Variants in ADAMTSL1 observed in about 807,000 individuals in gnomAD.
ADAMTSL1 encodes the protein ADAMTS-like protein 1.
In ADAMTSL1, 126 loss-of-function variants were observed where a neutral mutation model predicts 201.8. The ratio of observed to expected loss-of-function variants is 0.62; its 90% CI spans 0.54 to 0.72. The LOEUF is 0.72. ADAMTSL1 is among the 30% of genes least tolerant of loss of function. ADAMTSL1 has a pLI of 0.00. For missense variants in ADAMTSL1, 2,679 were observed against 2,277.8 expected, an observed-to-expected ratio of 1.18 and a Z score of -3.59; for synonymous variants, 1,121 against 903.4, an observed-to-expected ratio of 1.24 and a Z score of -4.32.
chr9:18,275,462 C>A (rs1587448172), intron 2 of ADAMTSL1, among the ~76,000 whole-genome samples: 2 of 152,200 alleles, frequency 1.3e-5, no homozygotes, highest in East Asian at 1.9e-4. Flanking sequence ...AGTTTCAGAA[C>A]AATTTCATCA....
intron 1 of ADAMTSL1, among the ~76,000 whole-genome samples, chr9:18,145,630 G>A (rs1281149252): frequency 2.0e-5 from 3 of 152,248 alleles, no homozygotes; most frequent in African/African-American, 7.2e-5. Context: ...AGACCTAAGT[G>A]TAAAATGCAA....
At chr9:18,734,068 G>C (rs1181813354) in intron 15 of ADAMTSL1, among the ~76,000 whole-genome samples, 1 of 152,164 alleles carries the variant, frequency 6.6e-6, no homozygotes, top group Non-Finnish European at 1.5e-5. Flanking sequence ...AATTCATATA[G>C]TATGCTGCCT....
At chr9:18,227,231 C>T (rs550348532) in intron 2 of ADAMTSL1, among the ~76,000 whole-genome samples, 13 of 152,016 alleles carry the variant, frequency 8.6e-5, no homozygotes, top group South Asian at 2.1e-4. Context: ...TCTGCATTGT[C>T]GTATATTTTT....
chr9:18,085,876 T>C (rs911175869), intron 1 of ADAMTSL1, among the ~76,000 whole-genome samples: 1 of 151,752 alleles, frequency 6.6e-6, no homozygotes, highest in Non-Finnish European at 1.5e-5. Context: ...GGAACAAGGA[T>C]AGGAACTATT....
intron 2 of ADAMTSL1, among the ~76,000 whole-genome samples, chr9:18,300,952 T>C (rs971605029): frequency 1.2e-4 from 19 of 152,272 alleles, no homozygotes; most frequent in African/African-American, 4.1e-4. Context: ...AAATTGCCTA[T>C]AGGTTCAAAA....
intron 2 of ADAMTSL1, among the ~76,000 whole-genome samples, chr9:18,255,418 G>T (rs763426976): frequency 2.0e-5 from 3 of 152,060 alleles, no homozygotes; most frequent in Non-Finnish European, 4.4e-5. Context: ...GGTTTCACAT[G>T]TCAGTACTTA....
chr9:18,229,217 T>G lies in ADAMTSL1; in HGVS notation c.207+65236T>G, dbSNP rs1830550412. Among the ~76,000 whole-genome samples, 3 of 152,106 alleles carry G rather than the reference T, an allele frequency of 2.0e-5. No homozygotes were observed. In the South Asian group the frequency reaches 6.2e-4, roughly 32 times the overall value. ...TGCACACCATCTGGATGCAGCAGTT[T>G]AAGAGGAACATAGTCAACTGGTCAC... On this transcript the variant is annotated intron_variant, in intron 2 of 29. Coordinates refer to the ADAMTSL1 transcript ENST00000680146.
At chr9:18,575,717 T>C (rs1039616702) in intron 4 of ADAMTSL1, among the ~76,000 whole-genome samples, 3 of 152,304 alleles carry the variant, frequency 2.0e-5, no homozygotes, top group Middle Eastern at 3.4e-3. Context: ...ATTTCCATTT[T>C]AGAAGTGAAA....
rs1002040032 is a variant in ADAMTSL1 at position 18,709,836 on chromosome 9, T to C, written c.1876+2788T>C. 5.9e-5 allele frequency among the ~76,000 whole-genome samples: 9 copies of C among 152,340 alleles called. No individual in the cohort carries two copies. The East Asian group carries it at 1.7e-3, about 29-fold the overall frequency. Reference sequence around the variant, plus strand: ...CGTTAAAATCTAGCTGGGGGAATACTTGACATTGACTTCAGCAAAAATGGA... The same window carrying C: ...CGTTAAAATCTAGCTGGGGGAATACCTGACATTGACTTCAGCAAAAATGGA... On this transcript the variant is annotated intron_variant, in intron 14 of 28. Transcript: ENST00000380548.
At chr9:18,652,295 C>G (rs1218902463) in intron 7 of ADAMTSL1, among the ~76,000 whole-genome samples, 6 of 148,322 alleles carry the variant, frequency 4.0e-5, no homozygotes, top group Non-Finnish European at 7.4e-5. Context: ...TCGCTTGAAT[C>G]CAGGAGGCGG....
At chr9:17,935,253 C>T (rs1563905512) in intron 1 of ADAMTSL1, among the ~76,000 whole-genome samples, 1 of 152,100 alleles carries the variant, frequency 6.6e-6, no homozygotes, top group Non-Finnish European at 1.5e-5. Context: ...GAACCCCACA[C>T]CCTCCTTTCC....
At chr9:18,725,141 C>G (rs1264515768) in intron 15 of ADAMTSL1, among the ~76,000 whole-genome samples, 1 of 152,110 alleles carries the variant, frequency 6.6e-6, no homozygotes, top group African/African-American at 2.4e-5. Context: ...CTCCTGACCT[C>G]GTGATCTGCC....
intron 3 of ADAMTSL1, among the ~76,000 whole-genome samples, chr9:18,535,066 A>G (rs1819677776): frequency 6.6e-6 from 1 of 151,976 alleles, no homozygotes; most frequent in Non-Finnish European, 1.5e-5. Flanking sequence ...AGCAGGCTTG[A>G]ATTTCTCCCA....
chr9:18,661,896 A>G (rs200908366), intron 8 of ADAMTSL1, 39 bp from the exon 9 acceptor site: 36 of 1,595,460 alleles, frequency 2.3e-5, no homozygotes, highest in Non-Finnish European at 2.9e-5. Context: ...TTGCATTGGC[A>G]TGTACATTTA....
rs16936963 is a variant in ADAMTSL1 at position 18,678,537 on chromosome 9, A to G, written c.1137-1775A>G. ...TGTCTTTCTATGATCACTGACATTG[A>G]AAAAGATACTTACTGCTATTTGTGA... On this transcript the variant is annotated intron_variant, in intron 10 of 28. Coordinates refer to ENST00000380548, the MANE Select transcript of ADAMTSL1 (RefSeq NM_001040272.6). Among the ~76,000 whole-genome samples the G allele has an allele frequency of 9.6e-3, 1,463 of 152,248 alleles. 17 individuals carry two copies. Among genetic ancestry groups the G allele is most frequent in the African/African-American group, 0.032 (1,310 of 41,570 alleles).
chr9:18,220,711 A>G (rs1378351067), intron 2 of ADAMTSL1, among the ~76,000 whole-genome samples: 2 of 150,828 alleles, frequency 1.3e-5, no homozygotes, highest in Non-Finnish European at 2.9e-5. Flanking sequence ...CAATTTCCTC[A>G]TCCTCTTTTT....
intron 17 of ADAMTSL1, among the ~76,000 whole-genome samples, chr9:18,773,397 C>CA (rs144410427): frequency 0.082 from 12,382 of 151,702 alleles, 710 homozygotes; most frequent in East Asian, 0.14. Context: ...CCTTTCCCCC[C>CA]AAAAAAAATT....
intron 5 of ADAMTSL1, among the ~76,000 whole-genome samples, chr9:18,623,863 A>G (rs755186029): frequency 6.6e-6 from 1 of 152,210 alleles, no homozygotes; most frequent in Non-Finnish European, 1.5e-5. Flanking sequence ...ATGAGAATGA[A>G]TATCTTTACT....
intron 3 of ADAMTSL1, among the ~76,000 whole-genome samples, chr9:18,563,640 C>T (rs778322760): frequency 6.6e-6 from 1 of 152,186 alleles, no homozygotes; most frequent in Non-Finnish European, 1.5e-5. Context: ...GTGCTCTGTC[C>T]CAGGGAGATG....
Sources: gnomAD v4.1 joint callset for allele counts (sites outside exome capture counted in the v4.1 genomes callset) on GRCh38, gnomAD v4.1.1 for gene constraint, MANE v1.5 for transcripts, NCBI Gene and HGNC (gene_info 2026-07-23, HGNC 2026-07-21) for gene names.